The following SPAG16 variants were observed in gnomAD, a reference collection of about 807,000 sequenced individuals.
SPAG16 encodes the protein sperm associated antigen 16, also known as sperm-associated antigen 16 protein.
Under a neutral mutation model 80.4 loss-of-function variants are expected in SPAG16, and 86 were observed. The ratio of observed to expected loss-of-function variants is 1.07; its 90% CI spans 0.90 to 1.28. The LOEUF (loss-of-function observed/expected upper bound fraction) is 1.28, where lower values mean the gene tolerates loss of function less well. SPAG16 is among the 50% of genes most tolerant of loss of function. SPAG16 has a pLI of 0.00. For missense variants in SPAG16, 870 were observed against 765.3 expected (o/e 1.14, Z -1.61); for synonymous variants, 294 against 265.9 (o/e 1.11, Z -1.03).
At chr2:213,636,427 A>G (rs115969401) in intron 10 of SPAG16, among the ~76,000 whole-genome samples, 3 of 152,162 alleles carry the variant, frequency 2.0e-5, no homozygotes, top group Non-Finnish European at 4.4e-5. Context: ...TGTTTTGATC[A>G]TGTGTGTGCA....
At chr2:214,082,845 A>G (rs1215040894) in intron 13 of SPAG16, among the ~76,000 whole-genome samples, 3 of 152,066 alleles carry the variant, frequency 2.0e-5, no homozygotes, top group Non-Finnish European at 4.4e-5. Flanking sequence ...CTTCACTTTC[A>G]ATGTTAAGCA....
chr2:213,781,426 C>T (rs1290292477), intron 10 of SPAG16, among the ~76,000 whole-genome samples: 2 of 152,094 alleles, frequency 1.3e-5, no homozygotes, highest in Non-Finnish European at 2.9e-5. Context: ...CCTAATCCCC[C>T]CCAGGTTTCT....
At chr2:214,394,053 G>T (rs967388983) in intron 15 of SPAG16, among the ~76,000 whole-genome samples, 4 of 152,150 alleles carry the variant, frequency 2.6e-5, no homozygotes, top group Non-Finnish European at 5.9e-5. Context: ...TTTTCAAGCT[G>T]CTTTTGGGTT....
intron 10 of SPAG16, among the ~76,000 whole-genome samples, chr2:213,713,073 C>G (rs1272437491): frequency 6.6e-6 from 1 of 152,112 alleles, no homozygotes. Context: ...GGGAAAGCCC[C>G]TCATAAAACC....
intron 12 of SPAG16, among the ~76,000 whole-genome samples, chr2:214,003,270 G>C (rs1344419640): frequency 6.6e-6 from 1 of 152,126 alleles, no homozygotes; most frequent in African/African-American, 2.4e-5. Flanking sequence ...TAATTTTCTA[G>C]ATAGTGGCCA....
chr2:213,502,205 A>G (rs1449078082), intron 10 of SPAG16, among the ~76,000 whole-genome samples: 1 of 152,180 alleles, frequency 6.6e-6, no homozygotes, highest in African/African-American at 2.4e-5. Context: ...GGCTCAGTGC[A>G]GCCTGGACCC....
intron 10 of SPAG16, among the ~76,000 whole-genome samples, chr2:213,574,603 C>T (rs1167349124): frequency 2.7e-5 from 4 of 150,530 alleles, no homozygotes; most frequent in Non-Finnish European, 5.9e-5. Flanking sequence ...TAATCCCTCA[C>T]CCTTACTCAC....
At chr2:213,430,398 C>G (rs2070216507) in intron 9 of SPAG16, among the ~76,000 whole-genome samples, 1 of 152,128 alleles carries the variant, frequency 6.6e-6, no homozygotes, top group South Asian at 2.1e-4. Flanking sequence ...CTGCATGCGG[C>G]CCAGGACAGC....
Position 213,833,515 on chromosome 2 carries a change from ATATATAAT to A in SPAG16, c.1071-28969_1071-28962del, listed in dbSNP as rs2073862903. Among the ~76,000 whole-genome samples, 2 of 4,036 alleles carry A rather than the reference ATATATAAT, an allele frequency of 5.0e-4. 1 individual carries two copies. The highest frequency in any genetic ancestry group is 1.0e-3 in the Non-Finnish European group (2 of 1,982). 2.6% of individuals were successfully genotyped at this position (4,036 alleles called of 152,430 possible). ...ATATAATATATATATTATATATAATATATATAATATATATATTATATATAATATATATA... is the reference window on the plus strand; with the variant it reads ...ATATAATATATATATTATATATAATAATATATATTATATATAATATATATA... On this transcript the variant is annotated intron_variant, in intron 10 of 15. Coordinates refer to ENST00000331683, the MANE Select transcript of SPAG16 (RefSeq NM_024532.5).
chr2:214,110,230 C>G (rs959581130), intron 14 of SPAG16, among the ~76,000 whole-genome samples: 2 of 152,036 alleles, frequency 1.3e-5, no homozygotes, highest in African/African-American at 2.4e-5. Context: ...ATGTTGGTTT[C>G]CTGCATCCAT....
At chr2:213,566,545 ATTATT>A (rs1454901188) in intron 10 of SPAG16, among the ~76,000 whole-genome samples, 1 of 152,156 alleles carries the variant, frequency 6.6e-6, no homozygotes, top group African/African-American at 2.4e-5. Context: ...TTTCATAGCT[ATTATT>A]TTATTATAAG....
intron 7 of SPAG16, among the ~76,000 whole-genome samples, chr2:213,355,918 T>C (rs771720870): frequency 6.6e-6 from 1 of 152,064 alleles, no homozygotes; most frequent in Non-Finnish European, 1.5e-5. Context: ...TGAATTGGAG[T>C]GGTGAGAGAG....
intron 10 of SPAG16, among the ~76,000 whole-genome samples, chr2:213,748,642 G>T (rs764391979): frequency 1.2e-4 from 18 of 152,024 alleles, no homozygotes; most frequent in African/African-American, 4.3e-4. Context: ...GAAAGTAAGC[G>T]TAAGGACTAT....
chr2:213,692,723 T>G (rs1351250161), intron 10 of SPAG16, among the ~76,000 whole-genome samples: 2 of 149,358 alleles, frequency 1.3e-5, no homozygotes, highest in African/African-American at 5.0e-5. Context: ...GGCAGGAGAA[T>G]GCCGTGAACC....
At chr2:213,525,031 G>T (rs2075834415) in intron 10 of SPAG16, among the ~76,000 whole-genome samples, 1 of 152,052 alleles carries the variant, frequency 6.6e-6, no homozygotes, top group South Asian at 2.1e-4. Flanking sequence ...CACATTTCTT[G>T]GGAGGTAGCT....
intron 10 of SPAG16, among the ~76,000 whole-genome samples, chr2:213,641,625 C>T (rs2062591985): frequency 6.6e-6 from 1 of 152,184 alleles, no homozygotes. Context: ...CTACAAGGCT[C>T]TTCCCATTGC....
At chr2:213,955,737 G>A (rs2044085569) in intron 12 of SPAG16, among the ~76,000 whole-genome samples, 1 of 151,812 alleles carries the variant, frequency 6.6e-6, no homozygotes, top group Admixed American at 6.6e-5. Flanking sequence ...TGTGTTTCTA[G>A]GAATTTGTTC....
At chr2:213,355,188 A>G (rs2065567646) in intron 7 of SPAG16, among the ~76,000 whole-genome samples, 1 of 151,958 alleles carries the variant, frequency 6.6e-6, no homozygotes, top group Admixed American at 6.6e-5. Context: ...GTGTGGTGTT[A>G]TTTCTGAGGC....
chr2:213,371,113 G>A (rs1471298326), intron 8 of SPAG16, among the ~76,000 whole-genome samples: 2 of 152,126 alleles, frequency 1.3e-5, no homozygotes, highest in African/African-American at 4.8e-5. Flanking sequence ...CTTAGGGACT[G>A]TAATTTGAAA....
Sources: allele counts gnomAD v4.1 joint callset (sites outside exome capture counted in the v4.1 genomes callset), GRCh38; gene constraint gnomAD v4.1.1; transcripts MANE v1.5; gene names NCBI Gene and HGNC (gene_info 2026-07-23, HGNC 2026-07-21).